The following GPHN variants were observed in gnomAD, a reference collection of about 807,000 sequenced individuals.
GPHN encodes the protein gephyrin.
GPHN carries 17 observed loss-of-function variants against 95.5 expected under a neutral mutation model. The observed-to-expected ratio is 0.18, with a 90% CI of 0.12 to 0.27. The LOEUF is 0.27. GPHN is among the 10% of genes least tolerant of loss of function. The pLI, the probability that GPHN is intolerant of heterozygous loss-of-function variation, is 1.00. For synonymous variants in GPHN, 320 were observed against 322.5 expected, an observed-to-expected ratio of 0.99 and a Z score of 0.08; for missense variants, 660 against 978.1, an observed-to-expected ratio of 0.67 and a Z score of 4.34.
the GPHN span, among the ~76,000 whole-genome samples, chr14:67,259,642 G>A: frequency 3.3e-5 from 5 of 152,158 alleles, no homozygotes; most frequent in Admixed American, 1.3e-4. Flanking sequence ...CATGCATGCT[G>A]GCTTATGCCT....
intron 9 of GPHN, among the ~76,000 whole-genome samples, chr14:67,005,544 G>A (rs558561044): frequency 1.3e-5 from 2 of 151,924 alleles, no homozygotes; most frequent in East Asian, 3.9e-4. Flanking sequence ...ACATGTATTT[G>A]ATGTCAGAGT....
chr14:67,380,604 CA>C, the GPHN span: 1 of 989,070 alleles, frequency 1.0e-6, no homozygotes, highest in Non-Finnish European at 1.5e-6. Flanking sequence ...TTTGGTTTCA[CA>C]TTTATCAGTA....
chr14:66,960,275 TCTTTTCTTTTTTTTTTTC>T (rs2068804145), intron 8 of GPHN, among the ~76,000 whole-genome samples: 1 of 127,640 alleles, frequency 7.8e-6, no homozygotes, highest in Admixed American at 7.7e-5. Flanking sequence ...ATTTCTTTTT[TCTTTTCTTTTTTTTTTTC>T]CCTGTGTACA....
intron 9 of GPHN, among the ~76,000 whole-genome samples, chr14:66,988,476 T>C (rs2071175700): frequency 6.6e-6 from 1 of 152,052 alleles, no homozygotes; most frequent in African/African-American, 2.4e-5. Flanking sequence ...TAGGGTATCA[T>C]AGGTAATCTG....
the GPHN span, among the ~76,000 whole-genome samples, chr14:67,235,691 G>A: frequency 6.6e-6 from 1 of 151,874 alleles, no homozygotes; most frequent in Non-Finnish European, 1.5e-5. Flanking sequence ...CTGCAGCCTG[G>A]GTGACAGAGT....
intron 4 of GPHN, among the ~76,000 whole-genome samples, chr14:66,831,619 C>T (rs1026181537): frequency 4.6e-5 from 7 of 152,136 alleles, no homozygotes; most frequent in African/African-American, 1.4e-4. Context: ...AATATTAGTG[C>T]TACTACTTAC....
chr14:66,670,643 T>C (rs2066253660), intron 1 of GPHN, among the ~76,000 whole-genome samples: 1 of 152,038 alleles, frequency 6.6e-6, no homozygotes, highest in South Asian at 2.1e-4. Context: ...ACAAAAAAAT[T>C]TAGCTGGGCA....
At chr14:67,600,112 A>T in the GPHN span, 1 of 1,597,860 alleles carries the variant, frequency 6.3e-7, no homozygotes, top group South Asian at 1.1e-5. Flanking sequence ...AGGGCAGCTG[A>T]GGCAGAATTC....
chr14:67,252,482 G>A, the GPHN span, among the ~76,000 whole-genome samples: 3 of 152,140 alleles, frequency 2.0e-5, no homozygotes, highest in Non-Finnish European at 4.4e-5. Context: ...CCTGAGGAGT[G>A]GTCATGGGAA....
chr14:66,882,940 T>TG (rs1230690236), intron 5 of GPHN, among the ~76,000 whole-genome samples: 1 of 151,780 alleles, frequency 6.6e-6, no homozygotes, highest in African/African-American at 2.4e-5. Flanking sequence ...CAATTCAAAT[T>TG]GCTGTTTCCT....
chr14:66,897,880 A>T (rs1367859918), intron 5 of GPHN, among the ~76,000 whole-genome samples: 1 of 152,110 alleles, frequency 6.6e-6, no homozygotes, highest in Admixed American at 6.6e-5. Context: ...TCATTTTACA[A>T]TCACACCAAC....
chr14:66,830,309 A>T (rs1340524138), intron 4 of GPHN, among the ~76,000 whole-genome samples: 1 of 152,038 alleles, frequency 6.6e-6, no homozygotes, highest in Non-Finnish European at 1.5e-5. Context: ...CTTTTTTGCC[A>T]TATTGAAGTG....
chr14:66,733,096 A>G (rs2071937248), intron 2 of GPHN, among the ~76,000 whole-genome samples: 1 of 152,046 alleles, frequency 6.6e-6, no homozygotes, highest in Non-Finnish European at 1.5e-5. Flanking sequence ...AGGGAAGGAG[A>G]TGATTGGATC....
intron 3 of GPHN, among the ~76,000 whole-genome samples, chr14:66,799,981 T>C (rs1161588444): frequency 2.6e-5 from 4 of 152,036 alleles, no homozygotes; most frequent in African/African-American, 9.6e-5. Context: ...TTTGGTTTGA[T>C]ATTACCATGA....
chr14:67,227,323 C>G, the GPHN span: 3 of 151,672 alleles, frequency 2.0e-5, no homozygotes. Context: ...GACTGTAGTC[C>G]CAGCTACTCA....
At chr14:66,798,164 G>A (rs767462509) in intron 3 of GPHN, among the ~76,000 whole-genome samples, 2 of 151,856 alleles carry the variant, frequency 1.3e-5, no homozygotes, top group Non-Finnish European at 2.9e-5. Flanking sequence ...TGAATCCCAG[G>A]AATAAATCCC....
In GPHN at chr14:66,946,602, C is replaced by T. The variant is rs367791976; in HGVS notation, c.829-18589C>T. On this transcript the variant is annotated intron_variant, in intron 8 of 22. Coordinates refer to ENST00000478722, the MANE Select transcript of GPHN (RefSeq NM_020806.5). ...TGTATTATTAGTAGAGACGGGGTTT[C>T]ATATGTTGGCCAGGCTGGTCTCGAA... 4.6e-5 allele frequency among the ~76,000 whole-genome samples: 7 copies of T among 152,168 alleles called. No homozygotes were observed. In the East Asian group the frequency reaches 5.8e-4, roughly 13 times the overall value.
chr14:67,655,353 GT>G, the GPHN span, among the ~76,000 whole-genome samples: 1 of 152,000 alleles, frequency 6.6e-6, no homozygotes, highest in Non-Finnish European at 1.5e-5. Flanking sequence ...TCCTATGTAG[GT>G]TAACTCATTT....
chr14:67,543,345 C>T, the GPHN span, among the ~76,000 whole-genome samples: 2 of 152,192 alleles, frequency 1.3e-5, no homozygotes, highest in East Asian at 3.8e-4. Flanking sequence ...AACCTTGGGT[C>T]TGTTGACATT....
Sources: allele counts gnomAD v4.1 joint callset (sites outside exome capture counted in the v4.1 genomes callset), GRCh38; gene constraint gnomAD v4.1.1; transcripts MANE v1.5; gene names NCBI Gene and HGNC (gene_info 2026-07-23, HGNC 2026-07-21).